EXT1: variants seen among roughly 807,000 people sequenced by gnomAD.
The protein encoded by EXT1 is exostosin glycosyltransferase 1, also known as exostosin-1.
Under a neutral mutation model 82.5 loss-of-function variants are expected in EXT1, and 20 were observed. The observed-to-expected ratio is 0.24, with a 90% CI of 0.17 to 0.35. The LOEUF (loss-of-function observed/expected upper bound fraction) is 0.35, where lower values mean the gene tolerates loss of function less well. EXT1 is among the 10% of genes least tolerant of loss of function. The probability of loss-of-function intolerance (pLI) is 1.00; values close to 1 mark genes in which losing one functional copy is unlikely to be tolerated. For missense variants in EXT1, 757 were observed against 936.5 expected (o/e 0.81, Z 2.50); for synonymous variants, 348 against 350.8 (o/e 0.99, Z 0.09).
chr8:117,983,646 G>T (rs181966653), intron 1 of EXT1, among the ~76,000 whole-genome samples: 79 of 152,220 alleles, frequency 5.2e-4, no homozygotes, highest in African/African-American at 1.8e-3. Flanking sequence ...CTACAAAGAA[G>T]ATCTTACATT....
chr8:117,811,254 C>A (rs531971287), intron 8 of EXT1, among the ~76,000 whole-genome samples: 1 of 152,212 alleles, frequency 6.6e-6, no homozygotes, highest in Non-Finnish European at 1.5e-5. Context: ...TCAATAAATA[C>A]TTGTTGAATG....
rs975051429 is a variant in EXT1 at position 117,796,256 on chromosome 8, T to C, written c.*3456A>G. On this transcript the variant is annotated 3_prime_UTR_variant, in exon 11 of 11. Transcript: ENST00000378204. Reference sequence around the variant, plus strand: ...TTTGCTTGGCTTTTGCATCCATAATTCAGCCTTGTCCAGCAAGAATCTCAT... The same window carrying C: ...TTTGCTTGGCTTTTGCATCCATAATCCAGCCTTGTCCAGCAAGAATCTCAT... The C allele has an allele frequency of 2.2e-4, 33 of 152,090 alleles. No homozygotes were observed. Among genetic ancestry groups the C allele is most frequent in the African/African-American group, 8.0e-4 (33 of 41,400 alleles). 9.4% of individuals were successfully genotyped at this position (152,090 alleles called of 1,614,324 possible).
Position 117,976,477 on chromosome 8 carries a change from A to T in EXT1, c.962+133608T>A, listed in dbSNP as rs554923733. ...GCCACAGATAACCACAACCTCATGG[A>T]TCCTCACAGACATAATGGCAAGTTA... On this transcript the variant is annotated intron_variant, in intron 1 of 10. Coordinates refer to ENST00000378204, the MANE Select transcript of EXT1 (RefSeq NM_000127.3). 5.3e-5 allele frequency among the ~76,000 whole-genome samples: 8 copies of T among 152,370 alleles called. No homozygotes were observed. The East Asian group carries it at 1.3e-3, about 26-fold the overall frequency.
At chr8:117,930,647 C>T (rs548228728) in intron 1 of EXT1, among the ~76,000 whole-genome samples, 1 of 152,140 alleles carries the variant, frequency 6.6e-6, no homozygotes, top group South Asian at 2.1e-4. Flanking sequence ...TGACAAAGTC[C>T]TTTCCAACAG....
chr8:117,833,727 A>G (rs1403047528), intron 3 of EXT1, among the ~76,000 whole-genome samples: 1 of 152,208 alleles, frequency 6.6e-6, no homozygotes, highest in Non-Finnish European at 1.5e-5. Flanking sequence ...GCATTGGTAT[A>G]TAAAAGGAAA....
At chr8:118,024,179 G>C (rs1335615352) in intron 1 of EXT1, among the ~76,000 whole-genome samples, 1 of 152,182 alleles carries the variant, frequency 6.6e-6, no homozygotes, top group African/African-American at 2.4e-5. Context: ...GATCAAGGAA[G>C]GTGAGAAAAT....
intron 1 of EXT1, among the ~76,000 whole-genome samples, chr8:117,993,387 G>A (rs1258811268): frequency 1.3e-5 from 2 of 152,212 alleles, no homozygotes; most frequent in African/African-American, 4.8e-5. Context: ...ATACAGCCAG[G>A]CCAGCCTGGA....
At chr8:118,083,631 T>C (rs961023074) in intron 1 of EXT1, among the ~76,000 whole-genome samples, 1 of 152,218 alleles carries the variant, frequency 6.6e-6, no homozygotes, top group African/African-American at 2.4e-5. Context: ...GTGTTCTTAC[T>C]GCCCAGCACA....
rs192476974 is a variant in EXT1, at chr8:118,000,864, T to C, written c.962+109221A>G. Among the ~76,000 whole-genome samples the C allele has an allele frequency of 1.5e-3, 234 of 152,192 alleles. 2 individuals are homozygous for C. Among genetic ancestry groups the C allele is most frequent in the African/African-American group, 5.5e-3 (228 of 41,554 alleles). ...GATTCTATCTACACAAAGAAAGTGA[T>C]GTGATCCCTAATGTAGCAAAATCTC... On this transcript the variant is annotated intron_variant, in intron 1 of 10. Coordinates refer to ENST00000378204, the MANE Select transcript of EXT1 (RefSeq NM_000127.3).
intron 1 of EXT1, among the ~76,000 whole-genome samples, chr8:117,879,483 A>G (rs1030426237): frequency 5.9e-5 from 9 of 152,068 alleles, no homozygotes; most frequent in Admixed American, 2.0e-4. Flanking sequence ...ACTACATTCT[A>G]TATTTTATTT....
intron 1 of EXT1, among the ~76,000 whole-genome samples, chr8:117,918,778 A>C (rs1050406357): frequency 2.6e-5 from 4 of 152,232 alleles, no homozygotes; most frequent in Non-Finnish European, 5.9e-5. Context: ...ATGGAAAAAC[A>C]ACCAACCCAG....
intron 1 of EXT1, among the ~76,000 whole-genome samples, chr8:118,085,811 A>G (rs1817408340): frequency 6.6e-6 from 1 of 151,994 alleles, no homozygotes; most frequent in African/African-American, 2.4e-5. Flanking sequence ...TCCACTCTGC[A>G]TTTTCACAAG....
intron 8 of EXT1, among the ~76,000 whole-genome samples, chr8:117,809,220 T>C (rs941789818): frequency 4.3e-4 from 33 of 77,534 alleles, no homozygotes; most frequent in African/African-American, 1.9e-3. Context: ...TGTGTATAAA[T>C]ATATATATAT....
chr8:117,946,792 G>A (rs140861695), intron 1 of EXT1, among the ~76,000 whole-genome samples: 16 of 149,890 alleles, frequency 1.1e-4, no homozygotes, highest in East Asian at 9.6e-4. Context: ...ACCTGGCACC[G>A]TTCGGAGGGA....
chr8:117,798,188 C>G lies in EXT1; in HGVS notation c.*1524G>C, dbSNP rs1470943391. The stretch of plus-strand genomic sequence containing the variant: ...TATCAGAACAAAATTCTCTGATGAA[C>G]TTTTCTTCTAAAACAAAACTGAAAA... On this transcript the variant is annotated 3_prime_UTR_variant, in exon 11 of 11. Transcript: ENST00000378204. 1.3e-5 allele frequency: 2 copies of G among 152,136 alleles called. No homozygotes were observed. The highest frequency in any genetic ancestry group is 2.9e-5 in the Non-Finnish European group (2 of 68,016). 9.4% of individuals were successfully genotyped at this position (152,136 alleles called of 1,614,324 possible).
intron 1 of EXT1, among the ~76,000 whole-genome samples, chr8:118,023,644 C>A (rs1253848027): frequency 6.6e-6 from 1 of 152,218 alleles, no homozygotes; most frequent in Non-Finnish European, 1.5e-5. Context: ...AGAAATTAAT[C>A]TTTCTGTCCT....
Position 118,110,978 on chromosome 8 carries a change from G to T in EXT1, c.69C>A (p.Phe23Leu), listed in dbSNP as rs200276819. The stretch of plus-strand genomic sequence containing the variant: ...TCGATGCCCTAAACTGCAAGCCTCC[G>T]AAATAAAACAAAAGGGCGAGACAAG... ...AGSCLALLFYFGGLQFRASRS... is the reference protein window; with the variant it reads ...AGSCLALLFYLGGLQFRASRS... The change falls in exon 1 of 11, where the codon TTC becomes TTA. Residue 23 changes from phenylalanine to leucine, a missense_variant. This residue lies in a region of EXT1 where 175 missense variants were observed against 159.0 expected (regional missense o/e 1.10). Coordinates refer to ENST00000378204, the MANE Select transcript of EXT1 (RefSeq NM_000127.3). The T allele has an allele frequency of 9.3e-6, 15 of 1,610,304 alleles. No homozygotes were observed. The East Asian group carries it at 2.5e-4, about 26-fold the overall frequency.
chr8:117,873,389 G>A (rs2129899158), intron 1 of EXT1, among the ~76,000 whole-genome samples: 1 of 151,702 alleles, frequency 6.6e-6, no homozygotes, highest in South Asian at 2.1e-4. Context: ...GAAGTTGAGA[G>A]GGGTTAAGAA....
chr8:117,806,843 T>C (rs1284063157), intron 9 of EXT1, among the ~76,000 whole-genome samples: 5 of 152,234 alleles, frequency 3.3e-5, no homozygotes, highest in Non-Finnish European at 7.3e-5. Context: ...AAGACCTGCA[T>C]TGGCAAGGAA....
Sources: allele counts gnomAD v4.1 joint callset (sites outside exome capture counted in the v4.1 genomes callset), GRCh38; gene constraint gnomAD v4.1.1; regional missense constraint gnomAD v4.1.1; transcripts MANE v1.5; gene names NCBI Gene and HGNC (gene_info 2026-07-23, HGNC 2026-07-21).